The following ABR variants were observed in gnomAD, a reference collection of about 807,000 sequenced individuals.
ABR encodes ABR activator of RhoGEF and GTPase.
A neutral mutation model predicts 107.2 loss-of-function variants in ABR; 35 were observed. The ratio of observed to expected loss-of-function variants is 0.33; its 90% confidence interval spans 0.25 to 0.43. ABR has a LOEUF of 0.43. Ranked by LOEUF, ABR falls within the 20% of genes least tolerant of loss-of-function variation. ABR has a pLI of 1.00. For missense variants in ABR, 815 were observed against 1,115.2 expected, an observed-to-expected ratio of 0.73 and a Z score of 3.83; for synonymous variants, 498 against 462.0, an observed-to-expected ratio of 1.08 and a Z score of -1.00.
intron 8 of ABR, among the ~76,000 whole-genome samples, chr17:1,072,052 C>T (rs139043011): frequency 1.5e-4 from 23 of 152,320 alleles, no homozygotes; most frequent in Middle Eastern, 3.4e-3. Context: ...TACAGGCATC[C>T]GCCACCACGC....
chr17:1,021,258 G>C (rs761696412), intron 16 of ABR, among the ~76,000 whole-genome samples: 7 of 152,184 alleles, frequency 4.6e-5, no homozygotes, highest in Non-Finnish European at 1.0e-4. Context: ...GACCACATTT[G>C]CCAGGGCCCC....
intron 10 of ABR, among the ~76,000 whole-genome samples, chr17:1,065,742 CTTTT>C (rs56388222): frequency 6.1e-3 from 704 of 116,274 alleles, no homozygotes; most frequent in Non-Finnish European, 8.2e-3. Context: ...CAAACCAATG[CTTTT>C]TTTTTTTTTT....
chr17:1,100,378 G>A (rs1478165254), intron 3 of ABR, among the ~76,000 whole-genome samples: 1 of 152,256 alleles, frequency 6.6e-6, no homozygotes, highest in Non-Finnish European at 1.5e-5. Context: ...GGTCGTGGGT[G>A]ACAGGTGTGT....
chr17:1,156,500 G>C (rs938669091), intron 1 of ABR, among the ~76,000 whole-genome samples: 1 of 152,008 alleles, frequency 6.6e-6, no homozygotes. Context: ...CCTGGCCAAC[G>C]TGGTGAAAAC....
chr17:1,168,036 C>T (rs529643185), intron 1 of ABR, among the ~76,000 whole-genome samples: 118 of 152,280 alleles, frequency 7.7e-4, no homozygotes, highest in African/African-American at 2.6e-3. Flanking sequence ...CCTGTAATCC[C>T]AGCACTTTGG....
At chr17:1,197,477 T>A (rs1461201435) in intron 1 of ABR, among the ~76,000 whole-genome samples, 3 of 151,568 alleles carry the variant, frequency 2.0e-5, no homozygotes, top group Non-Finnish European at 4.4e-5. Flanking sequence ...CCTCCTCGGA[T>A]CTTAGCCACA....
At chr17:1,111,055 G>A (rs936416845) in intron 2 of ABR, among the ~76,000 whole-genome samples, 17 of 152,266 alleles carry the variant, frequency 1.1e-4, no homozygotes, top group South Asian at 6.2e-4. Flanking sequence ...TCTCCCGCCC[G>A]GCGGGCTCCA....
chr17:1,095,390 G>T (rs547649843), intron 3 of ABR, among the ~76,000 whole-genome samples: 2 of 152,166 alleles, frequency 1.3e-5, no homozygotes, highest in African/African-American at 4.8e-5. Flanking sequence ...GATTTCACTC[G>T]CGGGGAGGGG....
chr17:1,177,034 T>G (rs907111832), intron 1 of ABR, among the ~76,000 whole-genome samples: 1 of 152,064 alleles, frequency 6.6e-6, no homozygotes, highest in Non-Finnish European at 1.5e-5. Flanking sequence ...TAAGTCACAC[T>G]GCCACCCTGT....
chr17:1,021,726 C>T (rs996465850), intron 16 of ABR, among the ~76,000 whole-genome samples: 1 of 151,950 alleles, frequency 6.6e-6, no homozygotes, highest in African/African-American at 2.4e-5. Flanking sequence ...ATCGCTTGAA[C>T]CCGGGAGGCG....
At chr17:1,038,370 G>A (rs368517604) in intron 16 of ABR, among the ~76,000 whole-genome samples, 54 of 152,344 alleles carry the variant, frequency 3.5e-4, no homozygotes, top group Non-Finnish European at 6.8e-4. Flanking sequence ...AGCTCCAGTC[G>A]TGTCTCTGCT....
chr17:1,212,632 G>A (rs1168297363), intron 1 of ABR, among the ~76,000 whole-genome samples: 1 of 151,892 alleles, frequency 6.6e-6, no homozygotes, highest in Admixed American at 6.6e-5. Flanking sequence ...GCTCACGCCT[G>A]TAATCCCAGC....
upstream of ABR, among the ~76,000 whole-genome samples, chr17:1,183,390 G>C (rs1193500644): frequency 1.1e-4 from 16 of 152,076 alleles, no homozygotes; most frequent in Admixed American, 1.0e-3. Context: ...CTCATCACTG[G>C]ACTTAAAGGG....
chr17:1,008,932 G>T (rs2070288549), intron 21 of ABR, among the ~76,000 whole-genome samples: 1 of 152,174 alleles, frequency 6.6e-6, no homozygotes, highest in Non-Finnish European at 1.5e-5. Context: ...CTGAATTTAG[G>T]ATCTGGAAGT....
At chr17:1,085,444 G>A (rs555255588) in intron 4 of ABR, among the ~76,000 whole-genome samples, 1 of 152,296 alleles carries the variant, frequency 6.6e-6, no homozygotes, top group South Asian at 2.1e-4. Flanking sequence ...ACTCGGGGAA[G>A]TGTAAATTAG....
At position 1,168,115 on chromosome 17, in the gene ABR, C is replaced by T. The variant is rs184853484; in HGVS notation, c.61+11552G>A. Among the ~76,000 whole-genome samples the T allele has an allele frequency of 5.4e-3, 820 of 151,970 alleles. 8 individuals carry two copies. Among genetic ancestry groups the T allele is most frequent in the African/African-American group, 0.019 (774 of 41,428 alleles). On this transcript the variant is annotated intron_variant, in intron 1 of 22. Transcript: ENST00000302538. ...CAGCCTGACCAATATAGAGAAATCC[C>T]GTCTCTACTAAAAATACAAAATTAG...
Position 1,111,383 on chromosome 17 carries a change from T to C in ABR, c.247-10648A>G, listed in dbSNP as rs144772297. On this transcript the variant is annotated intron_variant, in intron 2 of 22. Transcript: ENST00000302538. ...GAGTGCCCCTCCATCAGACACAGAC[T>C]CCACTCACAGGCCCTCGGTGCCCCC... Among the ~76,000 whole-genome samples, 221 of 152,136 alleles carry C rather than the reference T, an allele frequency of 1.5e-3. 1 individual carries two copies. Among genetic ancestry groups the C allele is most frequent in the African/African-American group, 5.3e-3 (218 of 41,498 alleles).
At chr17:1,223,431 C>CTAAT (rs1189986823) in intron 1 of ABR, among the ~76,000 whole-genome samples, 1 of 152,010 alleles carries the variant, frequency 6.6e-6, no homozygotes, top group Non-Finnish European at 1.5e-5. Flanking sequence ...GAGGGAAGTA[C>CTAAT]TAATATTTGA....
chr17:1,137,490 C>A (rs2040121154), intron 1 of ABR, among the ~76,000 whole-genome samples: 1 of 152,130 alleles, frequency 6.6e-6, no homozygotes, highest in Non-Finnish European at 1.5e-5. Flanking sequence ...CTGGGAAAGG[C>A]TGGTGGGCGG....
Sources: allele counts gnomAD v4.1 joint callset (sites outside exome capture counted in the v4.1 genomes callset), GRCh38; gene constraint gnomAD v4.1.1; transcripts MANE v1.5; gene names NCBI Gene and HGNC (gene_info 2026-07-23, HGNC 2026-07-21).